The following TVP23A variants were observed in gnomAD, a reference collection of about 807,000 sequenced individuals.
TVP23A encodes Golgi apparatus membrane protein TVP23 homolog A.
Under a neutral mutation model 31.7 loss-of-function variants are expected in TVP23A, and 21 were observed. The ratio of observed to expected loss-of-function variants is 0.66; its 90% CI spans 0.47 to 0.95. The LOEUF is 0.95. Among genes scored for constraint, TVP23A ranks in the 40% least tolerant of loss-of-function variants. The probability of loss-of-function intolerance (pLI) is 0.00; values close to 1 mark genes in which losing one functional copy is unlikely to be tolerated. For missense variants in TVP23A, 279 were observed against 255.6 expected, an observed-to-expected ratio of 1.09 and a Z score of -0.62; for synonymous variants, 104 against 96.0, an observed-to-expected ratio of 1.08 and a Z score of -0.49.
chr16:10,816,096 C>A (rs549873292), intron 2 of TVP23A, among the ~76,000 whole-genome samples: 18 of 152,098 alleles, frequency 1.2e-4, no homozygotes, highest in African/African-American at 4.1e-4. Flanking sequence ...GGCATGGTGG[C>A]AACACCTATA....
downstream of TVP23A, chr16:10,757,889 C>T (rs756665704): frequency 5.6e-6 from 9 of 1,613,866 alleles, no homozygotes; most frequent in African/African-American, 1.3e-5. This position sits in a 1 kb window ranked among gnomAD's most constrained non-coding sequence, Gnocchi z 4.1. Flanking sequence ...TCAAGCAGTT[C>T]CTCCGAGATG....
At chr16:10,813,561 T>TC (rs2034295993) in intron 2 of TVP23A, among the ~76,000 whole-genome samples, 2 of 152,142 alleles carry the variant, frequency 1.3e-5, no homozygotes, top group Non-Finnish European at 2.9e-5. Flanking sequence ...ATGGACAACA[T>TC]AGCAAGACTC....
intron 2 of TVP23A, among the ~76,000 whole-genome samples, chr16:10,776,006 C>A (rs1406097690): frequency 1.3e-5 from 2 of 151,342 alleles, no homozygotes; most frequent in South Asian, 2.1e-4. Flanking sequence ...ACTTTGGCTT[C>A]CCAAAGTGCT....
intron 2 of TVP23A, chr16:10,808,603 G>T (rs1364075625): frequency 4.4e-6 from 2 of 452,338 alleles, no homozygotes; most frequent in Admixed American, 4.8e-5. Flanking sequence ...TTGAGACCCG[G>T]TCTCTACAAA....
At chr16:10,780,150 T>G (rs2032336590) in intron 2 of TVP23A, among the ~76,000 whole-genome samples, 1 of 152,154 alleles carries the variant, frequency 6.6e-6, no homozygotes, top group African/African-American at 2.4e-5. Flanking sequence ...AAGATTAACT[T>G]CTTTTAATCT....
intron 2 of TVP23A, among the ~76,000 whole-genome samples, chr16:10,781,850 C>CTTTTTTTT (rs144933462): frequency 1.1e-5 from 1 of 90,950 alleles, no homozygotes; most frequent in Non-Finnish European, 1.9e-5. Flanking sequence ...CTAACACAAT[C>CTTTTTTTT]TTTTTTTTTT....
downstream of TVP23A, among the ~76,000 whole-genome samples, chr16:10,759,686 G>A (rs1900807329): frequency 6.6e-6 from 1 of 152,208 alleles, no homozygotes; most frequent in African/African-American, 2.4e-5. This position sits in a 1 kb window ranked among gnomAD's most constrained non-coding sequence, Gnocchi z 4.7. Context: ...TGAGGTGGGA[G>A]AAGTGCTTGA....
chr16:10,771,967 C>T (rs1488285247), intron 5 of TVP23A, among the ~76,000 whole-genome samples, 169 bp from the exon 6 acceptor site: 2 of 151,868 alleles, frequency 1.3e-5, no homozygotes, highest in African/African-American at 2.4e-5. Context: ...TACAGGCGTC[C>T]GCCACCAGGC....
chr16:10,778,507 T>C (rs567214484), intron 2 of TVP23A, among the ~76,000 whole-genome samples: 3 of 152,282 alleles, frequency 2.0e-5, no homozygotes, highest in African/African-American at 4.8e-5. Flanking sequence ...TGAAAGTTCT[T>C]TGAGGGCACA....
At chr16:10,759,637 G>A (rs746845250), downstream of TVP23A, among the ~76,000 whole-genome samples, 15 of 152,238 alleles carry the variant, frequency 9.9e-5, no homozygotes, top group Admixed American at 5.9e-4. This position sits in a 1 kb window ranked among gnomAD's most constrained non-coding sequence, Gnocchi z 4.7. Flanking sequence ...TTAGCCAGGC[G>A]TGGTGGTGGG....
chr16:10,790,664 A>C (rs2033055261), intron 2 of TVP23A, among the ~76,000 whole-genome samples: 1 of 152,202 alleles, frequency 6.6e-6, no homozygotes, highest in Admixed American at 6.5e-5. Context: ...AAGTCACGAT[A>C]TATAGGGTTA....
rs564409724 is a variant in TVP23A, at chr16:10,761,334, CT to C, written c.*440del. 343 of 1,599,042 alleles carry C rather than the reference CT, an allele frequency of 2.1e-4. 1 individual carries two copies. The African/African-American group carries it at 4.3e-3, about 20-fold the overall frequency. ...ACATTCCCTTTCTCGCACTTTGATGCTGGAATCACTGGTCTTTTCACCTTCG... is the reference window on the plus strand; with the variant it reads ...ACATTCCCTTTCTCGCACTTTGATGCGGAATCACTGGTCTTTTCACCTTCG... On this transcript the variant is annotated 3_prime_UTR_variant and NMD_transcript_variant, in exon 9 of 9. Coordinates refer to the TVP23A transcript ENST00000456096.
chr16:10,801,931 A>G (rs2033712421), intron 2 of TVP23A, among the ~76,000 whole-genome samples: 1 of 152,048 alleles, frequency 6.6e-6, no homozygotes, highest in Admixed American at 6.6e-5. Flanking sequence ...AGCACTCCGA[A>G]AGGCCAAGGC....
rs1567268968 is a variant in TVP23A at position 10,766,855 on chromosome 16, C to T, written c.*2247G>A. On this transcript the variant is annotated 3_prime_UTR_variant, in exon 8 of 8. Coordinates refer to ENST00000299866, the MANE Select transcript of TVP23A (RefSeq NM_001079512.4). The surrounding 1 kb of genome is among the most constrained non-coding windows in gnomAD (Gnocchi z 4.8). ...TGAAGTAAAGTTACAAAGTCATTTA[C>T]GGCATACGTCCTATGGAGAGGACAT... The T allele has an allele frequency of 1.5e-5, 6 of 398,164 alleles. No individual in the cohort carries two copies. Among genetic ancestry groups the T allele is most frequent in the Non-Finnish European group, 2.2e-5 (5 of 226,056 alleles). The allele number at this position is 398,164 out of a possible 1,614,324, so 24.7% of individuals were successfully genotyped here. A position where few individuals can be genotyped will look rare whatever the true frequency, so the allele number is the denominator to read the frequency against.
intron 3 of TVP23A, 74 bp from the exon 4 acceptor site, chr16:10,774,202 G>T: frequency 8.7e-7 from 1 of 1,155,594 alleles, no homozygotes; most frequent in Non-Finnish European, 1.2e-6. Flanking sequence ...ATAAACAAAA[G>T]TTCCTTGATT....
In TVP23A at chr16:10,768,689, C is replaced by A; in HGVS notation, c.*413G>T. The A allele has an allele frequency of 4.6e-6, 1 of 218,982 alleles. No homozygotes were observed. The highest frequency in any genetic ancestry group is 1.0e-4 in the East Asian group (1 of 9,612). The allele number at this position is 218,982 out of a possible 1,614,324, so 13.6% of individuals were successfully genotyped here. A position where few individuals can be genotyped will look rare whatever the true frequency, so the allele number is the denominator to read the frequency against. ...GCCACATTCAGCCAGTGGCAGCCAT[C>A]AGAGGCCCCAGAGTTAGGGCAGAGG... On this transcript the variant is annotated 3_prime_UTR_variant, in exon 8 of 8. Coordinates refer to ENST00000299866, the MANE Select transcript of TVP23A (RefSeq NM_001079512.4). The surrounding 1 kb of genome is among the most constrained non-coding windows in gnomAD (Gnocchi z 4.3).
chr16:10,761,298 C>A (rs1190430807), exon 9 of TVP23A: 1 of 1,428,762 alleles, frequency 7.0e-7, no homozygotes, highest in East Asian at 2.3e-5. Flanking sequence ...GCCATCCCCT[C>A]GGTTGCACAG....
rs2034555994 is a variant in TVP23A at position 10,818,683 on chromosome 16, G to T, written c.-190C>A. On this transcript the variant is annotated 5_prime_UTR_variant, in exon 1 of 8. Coordinates refer to ENST00000299866, the MANE Select transcript of TVP23A (RefSeq NM_001079512.4). The surrounding 1 kb of genome is among the most constrained non-coding windows in gnomAD (Gnocchi z 4.7). ...GGGCGGGGCGCTCGGGGCCTAAGGC[G>T]CAGTCGCAGGCTGGGGAGGGGGCTC... 7 of 607,040 alleles carry T rather than the reference G, an allele frequency of 1.2e-5. No individual in the cohort carries two copies. Among genetic ancestry groups the T allele is most frequent in the Non-Finnish European group, 1.6e-5 (6 of 382,624 alleles). 37.6% of individuals were successfully genotyped at this position (607,040 alleles called of 1,614,324 possible).
chr16:10,782,931 C>T (rs1055769542), intron 2 of TVP23A, among the ~76,000 whole-genome samples: 1 of 152,144 alleles, frequency 6.6e-6, no homozygotes, highest in African/African-American at 2.4e-5. Context: ...TGACATTAGG[C>T]TCCCTTCAAA....
Sources: gnomAD v4.1 joint callset for allele counts (sites outside exome capture counted in the v4.1 genomes callset) on GRCh38, gnomAD v4.1.1 for gene constraint, Gnocchi (gnomAD v3.1) non-coding constraint, MANE v1.5 for transcripts, NCBI Gene and HGNC (gene_info 2026-07-23, HGNC 2026-07-21) for gene names.